KCTD2: variants seen among roughly 807,000 people sequenced by gnomAD.
KCTD2 encodes the protein potassium channel tetramerization domain containing 2.
In KCTD2, 18 loss-of-function variants were observed where a neutral mutation model predicts 27.9. The observed-to-expected ratio is 0.64, with a 90% confidence interval of 0.45 to 0.96. The LOEUF is 0.96. KCTD2 is among the 40% of genes least tolerant of loss of function. The pLI is 0.00. For missense variants in KCTD2, 280 were observed against 348.0 expected (o/e 0.80, Z 1.56); for synonymous variants, 175 against 148.4 (o/e 1.18, Z -1.30).
chr17:75,046,368 C>T (rs2073216513), upstream of KCTD2, among the ~76,000 whole-genome samples: 1 of 152,214 alleles, frequency 6.6e-6, no homozygotes, highest in African/African-American at 2.4e-5. Context: ...AGGCGTGAGC[C>T]ACCGCGCCCG....
chr17:75,060,941 T>C (rs1198951631), intron 4 of KCTD2, among the ~76,000 whole-genome samples: 1 of 152,224 alleles, frequency 6.6e-6, no homozygotes, highest in Non-Finnish European at 1.5e-5. Flanking sequence ...CGGAATCCAC[T>C]CTGCCTGTGT....
In KCTD2 at chr17:75,062,242, G is replaced by A. The variant is rs191189607; in HGVS notation, c.759G>A (p.Ala253=). ...TCGTCATAGAGCCGAGCGAAAAGGCGAAGGTAAGGAGCCCCTTCCCTGGGC... is the reference window on the plus strand; with the variant it reads ...TCGTCATAGAGCCGAGCGAAAAGGCAAAGGTAAGGAGCCCCTTCCCTGGGC... ...NGIVIEPSEK[A]KILQERGSRM Residue 253 remains alanine (A), a synonymous_variant, in exon 5 of 6, where the codon GCG becomes GCA. Transcript: ENST00000322444. The A allele has an allele frequency of 1.3e-4, 207 of 1,611,580 alleles. No individual in the cohort carries two copies. The highest frequency in any genetic ancestry group is 1.6e-4 in the Non-Finnish European group (187 of 1,179,108).
intron 3 of KCTD2, chr17:75,038,739 C>A: frequency 3.3e-6 from 2 of 606,192 alleles, no homozygotes; most frequent in East Asian, 3.1e-5. Context: ...GCCCGTCAGA[C>A]AACCAGCCCA....
At chr17:75,040,065 G>C in intron 3 of KCTD2, 1 of 1,612,396 alleles carries the variant, frequency 6.2e-7, no homozygotes, top group Non-Finnish European at 8.5e-7. Flanking sequence ...GAGAATTTTA[G>C]AATAAGCAGG....
intron 3 of KCTD2, among the ~76,000 whole-genome samples, chr17:75,055,837 A>C (rs1185649073): frequency 6.6e-6 from 1 of 151,688 alleles, no homozygotes; most frequent in African/African-American, 2.4e-5. Flanking sequence ...CCATCTAAAA[A>C]AAAAAAAAGA....
At chr17:75,038,729 G>GC in intron 3 of KCTD2, 1 of 562,408 alleles carries the variant, frequency 1.8e-6, no homozygotes, top group Non-Finnish European at 3.1e-6. Flanking sequence ...CGCCTACACA[G>GC]CCCGTCAGAC....
chr17:75,040,113 C>T (rs772901767), intron 3 of KCTD2: 3 of 1,613,206 alleles, frequency 1.9e-6, no homozygotes, highest in South Asian at 1.1e-5. Flanking sequence ...CTTCGGCATC[C>T]ACCTGGGCAG....
At position 75,063,584 on chromosome 17, in the gene KCTD2, A is replaced by T. The variant is rs554060434; in HGVS notation, c.*537A>T. The stretch of plus-strand genomic sequence containing the variant: ...AATTGAGGTTTTAGGTAAAGCATAG[A>T]GTTGCCAGAGTACCCCGCATTCCCA... On this transcript the variant is annotated 3_prime_UTR_variant, in exon 6 of 6. Transcript: ENST00000322444. 1 of 156,622 alleles carries T rather than the reference A, an allele frequency of 6.4e-6. No homozygotes were observed. The highest frequency in any genetic ancestry group is 1.9e-4 in the East Asian group (1 of 5,394). 9.7% of individuals were successfully genotyped at this position (156,622 alleles called of 1,614,324 possible).
chr17:75,047,897 G>C (rs570973220), intron 1 of KCTD2, among the ~76,000 whole-genome samples: 76 of 152,154 alleles, frequency 5.0e-4, no homozygotes, highest in African/African-American at 1.8e-3. Context: ...CTCTGCCCCT[G>C]ACATCCCACT....
chr17:75,057,493 A>G (rs1483460475), intron 3 of KCTD2, among the ~76,000 whole-genome samples: 3 of 151,782 alleles, frequency 2.0e-5, no homozygotes, highest in Non-Finnish European at 4.4e-5. Context: ...GATTTGTACT[A>G]TATGTAATAT....
At chr17:75,040,255 G>C in intron 3 of KCTD2, 2 of 1,483,616 alleles carry the variant, frequency 1.3e-6, no homozygotes, top group Non-Finnish European at 1.9e-6. Flanking sequence ...AGCTCAAAGG[G>C]CTGGAAGCTA....
chr17:75,054,271 C>G (rs1012253342), intron 3 of KCTD2, among the ~76,000 whole-genome samples: 1 of 152,082 alleles, frequency 6.6e-6, no homozygotes, highest in Admixed American at 6.6e-5. Context: ...CCTCATCCTC[C>G]CAAAGTTCTG....
rs1197856372 is a variant in KCTD2, at chr17:75,047,405, C to T, written c.155C>T (p.Ala52Val). The T allele has an allele frequency of 4.2e-6, 5 of 1,185,960 alleles. No homozygotes were observed. The highest frequency in any genetic ancestry group is 5.2e-6 in the Non-Finnish European group (5 of 958,402). The allele number at this position is 1,185,960 out of a possible 1,614,324, so 73.5% of individuals were successfully genotyped here. A position where few individuals can be genotyped will look rare whatever the true frequency, so the allele number is the denominator to read the frequency against. The stretch of plus-strand genomic sequence containing the variant: ...CACGGCCGCCCGGCTGCCGCCGTCG[C>T]GCAGCCGCTGGAGCCGGGTCCCGGA... ...RGHGRPAAAVAQPLEPGPGPP... is the reference protein window; with the variant it reads ...RGHGRPAAAVVQPLEPGPGPP... Residue 52 changes from alanine (A) to valine (V), a missense_variant, in exon 1 of 6, where the codon GCG (alanine) becomes GTG (valine). Transcript: ENST00000322444.
intron 5 of KCTD2, among the ~76,000 whole-genome samples, chr17:75,062,705 C>T (rs1437464877): frequency 7.9e-6 from 1 of 126,006 alleles, no homozygotes; most frequent in Non-Finnish European, 1.5e-5. Context: ...CCCCAACACA[C>T]ACACACACAC....
At chr17:75,060,749 T>C (rs968635061) in intron 4 of KCTD2, 44 of 655,558 alleles carry the variant, frequency 6.7e-5, no homozygotes, top group Non-Finnish European at 9.0e-5. Context: ...AAATATGATT[T>C]TATACGGATT....
At chr17:75,062,369 C>G in intron 5 of KCTD2, 124 bp downstream of exon 5, 1 of 905,562 alleles carries the variant, frequency 1.1e-6, no homozygotes, top group Non-Finnish European at 1.6e-6. Context: ...TTGCATTTTC[C>G]CCTCGTTTTG....
rs561055248 is a variant in KCTD2 at position 75,064,622 on chromosome 17, A to G, written c.*1575A>G. 1 of 152,340 alleles carries G rather than the reference A, an allele frequency of 6.6e-6. No homozygotes were observed. Among genetic ancestry groups the G allele is most frequent in the Non-Finnish European group, 1.5e-5 (1 of 68,050 alleles). The allele number at this position is 152,340 out of a possible 1,614,324, so 9.4% of individuals were successfully genotyped here. A position where few individuals can be genotyped will look rare whatever the true frequency, so the allele number is the denominator to read the frequency against. ...TGTTTCTCTGTATCTGTAGCATAGC[A>G]TAGAACCCGGTATACAGGGGTTTCT... On this transcript the variant is annotated 3_prime_UTR_variant, in exon 6 of 6. Coordinates refer to ENST00000322444, the MANE Select transcript of KCTD2 (RefSeq NM_015353.3).
chr17:75,047,985 G>A (rs1258276084), intron 1 of KCTD2, among the ~76,000 whole-genome samples: 1 of 152,144 alleles, frequency 6.6e-6, no homozygotes, highest in Admixed American at 6.5e-5. Flanking sequence ...ACTGGGTCAG[G>A]GTTAGCTCAG....
At chr17:75,043,611 C>CAA (rs533075854), upstream of KCTD2, among the ~76,000 whole-genome samples, 5,400 of 80,458 alleles carry the variant, frequency 0.067, 175 homozygotes, top group South Asian at 0.2. Flanking sequence ...GACTCTGTCT[C>CAA]AAAAAAAAAA....
Sources: allele counts gnomAD v4.1 joint callset (sites outside exome capture counted in the v4.1 genomes callset), GRCh38; gene constraint gnomAD v4.1.1; transcripts MANE v1.5; gene names NCBI Gene and HGNC (gene_info 2026-07-23, HGNC 2026-07-21).